The following SYTL5 variants were observed in gnomAD, a reference collection of about 807,000 sequenced individuals.
SYTL5 encodes the protein synaptotagmin-like protein 5.
A neutral mutation model predicts 55.9 loss-of-function variants in SYTL5; 34 were observed. The observed-to-expected ratio is 0.61, with a 90% CI of 0.46 to 0.81. SYTL5 has a LOEUF of 0.81. Among genes scored for constraint, SYTL5 ranks in the 30% least tolerant of loss-of-function variants. SYTL5 has a pLI of 0.00. For synonymous variants in SYTL5, 221 were observed against 188.7 expected (o/e 1.17, Z -1.40); for missense variants, 637 against 546.7 (o/e 1.17, Z -1.65).
the SYTL5 span, among the ~76,000 whole-genome samples, chrX:37,940,962 G>A: frequency 9.0e-6 from 1 of 110,564 alleles, no homozygotes; most frequent in Non-Finnish European, 1.9e-5. Context: ...GCCTAACTAG[G>A]GCTTACTGTA....
chrX:38,006,765 G>A (rs375382838), intron 1 of SYTL5, 97 bp downstream of exon 1: 17 of 111,406 alleles, frequency 1.5e-4, no homozygotes, highest in African/African-American at 5.5e-4. Flanking sequence ...TTGCTGGTCA[G>A]GAAGAAAACA....
chrX:38,043,608 T>C (rs1279796668), intron 2 of SYTL5, among the ~76,000 whole-genome samples: 2 of 97,841 alleles, frequency 2.0e-5, no homozygotes, highest in Non-Finnish European at 4.1e-5. Flanking sequence ...CAGAGGTAAA[T>C]AGTCTCCATT....
At chrX:37,963,185 T>C in the SYTL5 span, among the ~76,000 whole-genome samples, 1 of 111,948 alleles carries the variant, frequency 8.9e-6, no homozygotes, top group Non-Finnish European at 1.9e-5. Context: ...CTTGATGCTA[T>C]TGTAAATGGG....
upstream of SYTL5, among the ~76,000 whole-genome samples, chrX:38,002,021 C>G (rs1459911920): frequency 1.8e-5 from 2 of 109,677 alleles, no homozygotes; most frequent in African/African-American, 6.6e-5. Flanking sequence ...CCCACTCCCC[C>G]CACCCCACAA....
intron 12 of SYTL5, 23 bp downstream of exon 12, chrX:38,108,722 T>C (rs1937279564): frequency 2.9e-6 from 3 of 1,023,902 alleles, no homozygotes; most frequent in Non-Finnish European, 2.7e-6. Context: ...GGTCTCATAG[T>C]AACTCATGTG....
the SYTL5 span, among the ~76,000 whole-genome samples, chrX:37,987,793 C>G: frequency 8.9e-6 from 1 of 112,098 alleles, no homozygotes; most frequent in East Asian, 2.8e-4. Context: ...CCACTGTGCT[C>G]AATAATATGA....
rs1452917363 is a variant in SYTL5, at chrX:38,051,498, A to G, written c.120-2715A>G. Among the ~76,000 whole-genome samples, 4 of 111,749 alleles carry G rather than the reference A, an allele frequency of 3.6e-5. No homozygotes were observed. In the East Asian group the frequency reaches 1.1e-3, roughly 31 times the overall value. ...TTGAGGCAAATATTCCATCTATTTT[A>G]GACATTTTTTAAATTATTAATTATT... On this transcript the variant is annotated intron_variant, in intron 2 of 16. Coordinates refer to ENST00000297875, the MANE Select transcript of SYTL5 (RefSeq NM_138780.3).
chrX:38,108,398 T>C (rs1178124140), intron 11 of SYTL5, among the ~76,000 whole-genome samples: 2 of 111,609 alleles, frequency 1.8e-5, no homozygotes, highest in Non-Finnish European at 3.8e-5. Context: ...CCACACTCTT[T>C]TATCATTATA....
chrX:37,972,939 T>G, the SYTL5 span, among the ~76,000 whole-genome samples: 2 of 111,800 alleles, frequency 1.8e-5, no homozygotes, highest in Non-Finnish European at 3.8e-5. Context: ...CAGAGGAATC[T>G]CTCAGATAGC....
At chrX:38,043,645 TTATG>T (rs1211913534) in intron 2 of SYTL5, among the ~76,000 whole-genome samples, 3 of 76,353 alleles carry the variant, frequency 3.9e-5, no homozygotes, top group Non-Finnish European at 7.0e-5. Flanking sequence ...CCTGTAACTT[TTATG>T]TATGTATGTA....
chrX:38,077,997 C>A (rs1936432357), intron 6 of SYTL5, among the ~76,000 whole-genome samples: 1 of 111,317 alleles, frequency 9.0e-6, no homozygotes, highest in African/African-American at 3.3e-5. Flanking sequence ...CATGCCACTG[C>A]ACTCCAGCAT....
chrX:38,118,326 C>A (rs1937525336), intron 13 of SYTL5, among the ~76,000 whole-genome samples: 1 of 111,765 alleles, frequency 8.9e-6, no homozygotes, highest in Non-Finnish European at 1.9e-5. Context: ...TTGTAACAGT[C>A]TCAGTATTTT....
chrX:37,918,058 A>G, the SYTL5 span, among the ~76,000 whole-genome samples: 1 of 111,548 alleles, frequency 9.0e-6, no homozygotes, highest in African/African-American at 3.3e-5. Context: ...TTTAAGCAGA[A>G]GAGTTTATTT....
intron 1 of SYTL5, among the ~76,000 whole-genome samples, chrX:38,012,642 T>C (rs1934225074): frequency 8.9e-6 from 1 of 112,184 alleles, no homozygotes. Context: ...TTAATACAAA[T>C]AGCAGAGTAT....
intron 6 of SYTL5, among the ~76,000 whole-genome samples, chrX:38,081,704 C>T (rs766550247): frequency 1.2e-3 from 129 of 111,868 alleles, no homozygotes; most frequent in African/African-American, 4.2e-3. Context: ...ATCTCACTGG[C>T]CAATTCTAGA....
chrX:37,994,986 G>A, the SYTL5 span, among the ~76,000 whole-genome samples: 462 of 111,619 alleles, frequency 4.1e-3, 2 homozygotes, highest in Admixed American at 6.4e-3. Flanking sequence ...GCTATCCCCA[G>A]AGAGCTGAAG....
the SYTL5 span, among the ~76,000 whole-genome samples, chrX:37,977,844 G>A: frequency 9.1e-6 from 1 of 110,361 alleles, no homozygotes; most frequent in Non-Finnish European, 1.9e-5. Flanking sequence ...TTTTATGGTG[G>A]TTAGTGAGTA....
chrX:38,053,484 G>A (rs1935679816), intron 2 of SYTL5, among the ~76,000 whole-genome samples: 1 of 112,331 alleles, frequency 8.9e-6, no homozygotes, highest in African/African-American at 3.2e-5. Flanking sequence ...TTTAAACATA[G>A]GCATGTCTAA....
intron 3 of SYTL5, among the ~76,000 whole-genome samples, chrX:38,066,420 A>G (rs1333508022): frequency 9.0e-6 from 1 of 111,717 alleles, no homozygotes; most frequent in Non-Finnish European, 1.9e-5. Context: ...CAAACCCTGA[A>G]CTGTCAGTAA....
Sources: allele counts gnomAD v4.1 joint callset (sites outside exome capture counted in the v4.1 genomes callset), GRCh38; gene constraint gnomAD v4.1.1; transcripts MANE v1.5; gene names NCBI Gene and HGNC (gene_info 2026-07-23, HGNC 2026-07-21).